Variants in ZC3H6 observed in about 807,000 individuals in gnomAD.
ZC3H6 encodes zinc finger CCCH-type containing 6, also known as zinc finger CCCH domain-containing protein 6.
Under a neutral mutation model 107.7 loss-of-function variants are expected in ZC3H6, and 40 were observed. That is an observed-to-expected ratio of 0.37 (90% confidence interval 0.29 to 0.48). The LOEUF (loss-of-function observed/expected upper bound fraction) is 0.48, where lower values mean the gene tolerates loss of function less well. Ranked by LOEUF, ZC3H6 falls within the 20% of genes least tolerant of loss-of-function variation. ZC3H6 has a pLI of 0.98. For synonymous variants in ZC3H6, 493 were observed against 487.9 expected (o/e 1.01, Z -0.14); for missense variants, 1,267 against 1,410.4 (o/e 0.90, Z 1.63).
chr2:112,315,901 T>A (rs1292090459), intron 5 of ZC3H6, among the ~76,000 whole-genome samples: 1 of 152,206 alleles, frequency 6.6e-6, no homozygotes, highest in Non-Finnish European at 1.5e-5. Context: ...GTTTTTATGA[T>A]CCAAAGTTGT....
Position 112,335,060 on chromosome 2 carries a change from A to AG in ZC3H6, c.*2577dup, listed in dbSNP as rs1451266605. 3.3e-5 allele frequency: 5 copies of AG among 152,354 alleles called. No individual in the cohort carries two copies. The highest frequency in any genetic ancestry group is 1.2e-4 in the African/African-American group (5 of 41,574). The allele number at this position is 152,354 out of a possible 1,614,324, so 9.4% of individuals were successfully genotyped here. On this transcript the variant is annotated 3_prime_UTR_variant, in exon 12 of 12. Transcript: ENST00000409871. Reference sequence around the variant, plus strand: ...TGATGATGAATACAGTGGATATAGCAGGGGGTTGAAATGGAACACACAGAA... The same window carrying AG: ...TGATGATGAATACAGTGGATATAGCAGGGGGGTTGAAATGGAACACACAGAA...
At position 112,309,964 on chromosome 2, in the gene ZC3H6, A is replaced by T; in HGVS notation, c.416A>T (p.Glu139Val). 6.2e-7 allele frequency: 1 copy of T among 1,611,902 alleles called. No homozygotes were observed. Among genetic ancestry groups the T allele is most frequent in the Non-Finnish European group, 8.5e-7 (1 of 1,178,860 alleles). ...NKKFKSKEYDEYSTYSDDNFG... is the reference protein window; with the variant it reads ...NKKFKSKEYDVYSTYSDDNFG... ...AAATTTAAAAGTAAAGAATATGATG[A>T]GTACAGCACCTACAGTGATGACAAC... The change falls in exon 4 of 12, where the codon GAG (glutamate) becomes GTG (valine). Residue 139 changes from glutamate (E) to valine (V), a missense_variant. This residue lies in a region of ZC3H6 where 337 missense variants were observed against 361.2 expected (regional missense o/e 0.93). Transcript: ENST00000409871.
At position 112,322,765 on chromosome 2, in the gene ZC3H6, C is replaced by T. The variant is rs762898328; in HGVS notation, c.1203C>T (p.Thr401=). Residue 401 remains threonine, a synonymous_variant, in exon 9 of 12, where the codon ACC becomes ACT. Transcript: ENST00000409871. Reference sequence around the variant, plus strand: ...CTCCAGGGGTTGGGCTTCTGCCAACCCCTCCAGAGCATTTTCCCTTTTCTG... The same window carrying T: ...CTCCAGGGGTTGGGCTTCTGCCAACTCCTCCAGAGCATTTTCCCTTTTCTG... ...KPPPGVGLLP[T]PPEHFPFSDP... is the part of the protein sequence containing the mutation. The T allele has an allele frequency of 3.1e-6, 5 of 1,613,788 alleles. No individual in the cohort carries two copies. The highest frequency in any genetic ancestry group is 4.2e-6 in the Non-Finnish European group (5 of 1,179,884).
At chr2:112,290,400 C>T (rs1676088602) in intron 1 of ZC3H6, among the ~76,000 whole-genome samples, 1 of 152,258 alleles carries the variant, frequency 6.6e-6, no homozygotes, top group African/African-American at 2.4e-5. Context: ...ACGACTTCCT[C>T]AGGGAAAGCC....
In ZC3H6 at chr2:112,334,887, AAAGT is replaced by A. The variant is rs1677113469; in HGVS notation, c.*2404_*2407del. On this transcript the variant is annotated 3_prime_UTR_variant, in exon 12 of 12. Coordinates refer to ENST00000409871, the MANE Select transcript of ZC3H6 (RefSeq NM_198581.3). ...AATTTGATTTGCACTGTTAGATTGAAAAGTAAGTTACGTTCCTGTTCTTAGAAGC... is the reference window on the plus strand; with the variant it reads ...AATTTGATTTGCACTGTTAGATTGAAAAGTTACGTTCCTGTTCTTAGAAGC... The A allele has an allele frequency of 1.3e-5, 2 of 152,750 alleles. No homozygotes were observed. Among genetic ancestry groups the A allele is most frequent in the East Asian group, 3.9e-4 (2 of 5,180 alleles). 9.5% of individuals were successfully genotyped at this position (152,750 alleles called of 1,614,324 possible). A position where few individuals can be genotyped will look rare whatever the true frequency, so the allele number is the denominator to read the frequency against.
intron 1 of ZC3H6, among the ~76,000 whole-genome samples, chr2:112,296,164 A>G (rs1676227559): frequency 6.6e-6 from 1 of 152,180 alleles, no homozygotes; most frequent in Non-Finnish European, 1.5e-5. Flanking sequence ...ATATTTCAGT[A>G]CCTCAGAAGT....
In ZC3H6 at chr2:112,335,403, T is replaced by C. The variant is rs1677121696; in HGVS notation, c.*2915T>C. The C allele has an allele frequency of 6.6e-6, 1 of 152,188 alleles. No homozygotes were observed. The highest frequency in any genetic ancestry group is 2.1e-4 in the South Asian group (1 of 4,836). The allele number at this position is 152,188 out of a possible 1,614,324, so 9.4% of individuals were successfully genotyped here. On this transcript the variant is annotated 3_prime_UTR_variant, in exon 12 of 12. Coordinates refer to ENST00000409871, the MANE Select transcript of ZC3H6 (RefSeq NM_198581.3). ...TGAGTAGTAAATCCTGTGTGAACTTTTAGCTCAGCTACTCTGCTGAATTAA... is the reference window on the plus strand; with the variant it reads ...TGAGTAGTAAATCCTGTGTGAACTTCTAGCTCAGCTACTCTGCTGAATTAA...
At chr2:112,299,766 G>C (rs1430382487) in intron 1 of ZC3H6, 83 bp from the exon 2 acceptor site, 1 of 1,084,558 alleles carries the variant, frequency 9.2e-7, no homozygotes, top group Non-Finnish European at 1.2e-6. Flanking sequence ...TAAATCCTTG[G>C]CATATGCTTT....
chr2:112,315,389 G>A lies in ZC3H6; in HGVS notation c.748-1081G>A, dbSNP rs1285678180. Among the ~76,000 whole-genome samples the A allele has an allele frequency of 2.6e-5, 4 of 151,664 alleles. No individual in the cohort carries two copies. The South Asian group carries it at 6.3e-4, about 24-fold the overall frequency. On this transcript the variant is annotated intron_variant, in intron 5 of 11. Transcript: ENST00000409871. Reference sequence around the variant, plus strand: ...TATTTAAAAGTTAAAAGTAATACACGCCGCCTGTTTGTTTGCCCTTTTTTT... The same window carrying A: ...TATTTAAAAGTTAAAAGTAATACACACCGCCTGTTTGTTTGCCCTTTTTTT...
At chr2:112,323,907 T>C (rs1253068141) in intron 9 of ZC3H6, among the ~76,000 whole-genome samples, 1 of 152,210 alleles carries the variant, frequency 6.6e-6, no homozygotes, top group Non-Finnish European at 1.5e-5. Context: ...TTTGTACTTT[T>C]CTGTGTTTTT....
intron 1 of ZC3H6, among the ~76,000 whole-genome samples, chr2:112,289,732 T>C (rs967319264): frequency 2.8e-5 from 4 of 141,836 alleles, no homozygotes; most frequent in Non-Finnish European, 4.5e-5. Flanking sequence ...ATTTTTACCG[T>C]TTTTTGTTTG....
chr2:112,284,824 A>G (rs1558945132), intron 1 of ZC3H6, among the ~76,000 whole-genome samples: 1 of 152,190 alleles, frequency 6.6e-6, no homozygotes, highest in Non-Finnish European at 1.5e-5. Context: ...GGTAGAGTTA[A>G]CATTCTGCTT....
At chr2:112,289,249 C>A (rs78455512) in intron 1 of ZC3H6, among the ~76,000 whole-genome samples, 667 of 149,180 alleles carry the variant, frequency 4.5e-3, no homozygotes, top group African/African-American at 0.015. Context: ...CTGCCCACCT[C>A]AGCCTCCCAA....
At chr2:112,323,197 T>G (rs1292142105) in intron 9 of ZC3H6, among the ~76,000 whole-genome samples, 1 of 152,208 alleles carries the variant, frequency 6.6e-6, no homozygotes, top group Non-Finnish European at 1.5e-5. Flanking sequence ...TGAGGCTGCA[T>G]TGTCATTGAT....
At chr2:112,287,000 G>C (rs879713682) in intron 1 of ZC3H6, among the ~76,000 whole-genome samples, 3 of 152,092 alleles carry the variant, frequency 2.0e-5, no homozygotes, top group Non-Finnish European at 4.4e-5. Flanking sequence ...GGTATTTACA[G>C]ACCAAATGCC....
intron 1 of ZC3H6, among the ~76,000 whole-genome samples, chr2:112,278,374 G>C (rs529149280): frequency 6.6e-6 from 1 of 152,306 alleles, no homozygotes; most frequent in South Asian, 2.1e-4. Context: ...CTGGAGTGCA[G>C]TGGCACTGTC....
rs867053898 is a variant in ZC3H6, at chr2:112,331,347, C to G, written c.2429C>G (p.Ala810Gly). The G allele has an allele frequency of 1.9e-6, 3 of 1,613,566 alleles. No individual in the cohort carries two copies. The highest frequency in any genetic ancestry group is 2.2e-5 in the South Asian group (2 of 91,090). The stretch of plus-strand genomic sequence containing the variant: ...GGAGCAAAGTTTGATTTGCATCATG[C>G]AAATGCTGGCACTAATGTCAAACAC... The part of the protein sequence containing the change: ...VGGAKFDLHH[A>G]NAGTNVKHKR... Residue 810 changes from alanine to glycine, a missense_variant, in exon 12 of 12, where the codon GCA becomes GGA. Around this residue, in one of 3 missense-constraint regions of ZC3H6, gnomAD observed 925 missense variants for 1,025.7 expected, o/e 0.90. Transcript: ENST00000409871.
At chr2:112,327,465 G>A (rs1217138951) in intron 11 of ZC3H6, among the ~76,000 whole-genome samples, 1 of 152,086 alleles carries the variant, frequency 6.6e-6, no homozygotes, top group Non-Finnish European at 1.5e-5. Context: ...CTCCCATTCT[G>A]TGGATTGTCT....
intron 11 of ZC3H6, among the ~76,000 whole-genome samples, chr2:112,326,911 C>A (rs1676916126): frequency 6.6e-6 from 1 of 152,152 alleles, no homozygotes; most frequent in Non-Finnish European, 1.5e-5. Flanking sequence ...CCGTGCCTGG[C>A]CATTGTCTGT....
Sources: gnomAD v4.1 joint callset for allele counts (sites outside exome capture counted in the v4.1 genomes callset) on GRCh38, gnomAD v4.1.1 for gene constraint, gnomAD v4.1.1 regional missense constraint, MANE v1.5 for transcripts, NCBI Gene and HGNC (gene_info 2026-07-23, HGNC 2026-07-21) for gene names.